TRDN: variants seen among roughly 807,000 people sequenced by gnomAD.
The protein encoded by TRDN is triadin in skeletal muscle.
In TRDN, 161 loss-of-function variants were observed where a neutral mutation model predicts 149.7. The ratio of observed to expected loss-of-function variants is 1.08; its 90% CI spans 0.95 to 1.23. TRDN has a LOEUF of 1.23. Among genes scored for constraint, TRDN ranks in the 50% most tolerant of loss-of-function variants. TRDN has a pLI of 0.00. For synonymous variants in TRDN, 294 were observed against 250.5 expected (o/e 1.17, Z -1.64); for missense variants, 896 against 823.5 (o/e 1.09, Z -1.08).
intron 14 of TRDN, among the ~76,000 whole-genome samples, chr6:123,383,752 A>G (rs1781806311): frequency 6.6e-6 from 1 of 152,164 alleles, no homozygotes; most frequent in East Asian, 1.9e-4. Context: ...AAAATATGCC[A>G]ACATACTAAT....
chr6:123,635,260 A>G lies in TRDN; in HGVS notation c.22+1494T>C, dbSNP rs140869725. 2.9e-3 allele frequency among the ~76,000 whole-genome samples: 437 copies of G among 152,026 alleles called. 1 individual carries two copies. The highest frequency in any genetic ancestry group is 0.01 in the African/African-American group (422 of 41,498). On this transcript the variant is annotated intron_variant, in intron 1 of 40. Coordinates refer to ENST00000334268, the MANE Select transcript of TRDN (RefSeq NM_006073.4). ...AATAGGAAAAATGCTATTTATATTT[A>G]GTTAGCAAATTCTGAACTAAAATTG... is the stretch of plus-strand genomic sequence containing the variant.
chr6:123,294,290 G>T (rs1396112833), intron 24 of TRDN, among the ~76,000 whole-genome samples: 1 of 152,140 alleles, frequency 6.6e-6, no homozygotes, highest in African/African-American at 2.4e-5. Context: ...ACTATCAAAA[G>T]TGCCTTCCCA....
At chr6:123,271,086 C>T (rs1232210069) in intron 30 of TRDN, 53 bp downstream of exon 30, 8 of 1,115,678 alleles carry the variant, frequency 7.2e-6, no homozygotes, top group Non-Finnish European at 8.9e-6. Context: ...CATATGAGTG[C>T]ACCACATAAC....
chr6:123,632,774 G>C (rs1030566708), intron 1 of TRDN, among the ~76,000 whole-genome samples: 1 of 151,804 alleles, frequency 6.6e-6, no homozygotes, highest in Non-Finnish European at 1.5e-5. Context: ...AGGTTGGATC[G>C]CCTCATAATT....
At position 123,513,896 on chromosome 6, in the gene TRDN, CA is replaced by C. The variant is rs546413507; in HGVS notation, c.551-1535del. Among the ~76,000 whole-genome samples, 208 of 151,974 alleles carry C rather than the reference CA, an allele frequency of 1.4e-3. 1 individual carries two copies. The highest frequency in any genetic ancestry group is 4.7e-3 in the African/African-American group (193 of 41,478). ...TACCTAACTGGAGTGTTTAACAAAA[CA>C]AAAAACTTCAGCAGACTATGCATAC... On this transcript the variant is annotated intron_variant, in intron 6 of 40. Coordinates refer to ENST00000334268, the MANE Select transcript of TRDN (RefSeq NM_006073.4).
intron 4 of TRDN, among the ~76,000 whole-genome samples, chr6:123,538,709 CT>C (rs1780675301): frequency 1.3e-5 from 2 of 152,122 alleles, no homozygotes; most frequent in African/African-American, 4.8e-5. Context: ...ATAAGCTGAA[CT>C]TTTTCCAGAA....
At chr6:123,594,360 TGCCTAATCCA>T (rs1783928433) in intron 1 of TRDN, among the ~76,000 whole-genome samples, 1 of 152,108 alleles carries the variant, frequency 6.6e-6, no homozygotes, top group South Asian at 2.1e-4. Context: ...TATTTGTGGA[TGCCTAATCCA>T]GACTAATCCA....
intron 11 of TRDN, 23 bp downstream of exon 11, chr6:123,438,921 T>C: frequency 6.5e-7 from 1 of 1,540,988 alleles, no homozygotes; most frequent in Non-Finnish European, 8.8e-7. Context: ...ATTTATGTGG[T>C]ACATGGCTTT....
At chr6:123,257,471 C>A (rs1423690719) in intron 35 of TRDN, among the ~76,000 whole-genome samples, 1 of 152,100 alleles carries the variant, frequency 6.6e-6, no homozygotes, top group Non-Finnish European at 1.5e-5. Context: ...GGTGTTATTT[C>A]TGAGGCCTCT....
chr6:123,529,835 T>A (rs964447422), intron 5 of TRDN, among the ~76,000 whole-genome samples: 3 of 152,034 alleles, frequency 2.0e-5, no homozygotes, highest in Non-Finnish European at 4.4e-5. Flanking sequence ...AGAATATATT[T>A]TTGAATGTCT....
At chr6:123,303,682 T>C (rs1396837162) in intron 24 of TRDN, among the ~76,000 whole-genome samples, 8 of 152,136 alleles carry the variant, frequency 5.3e-5, no homozygotes, top group Non-Finnish European at 8.8e-5. Context: ...TTTAAATGTC[T>C]GTGTGGGCTT....
intron 23 of TRDN, 57 bp downstream of exon 23, chr6:123,331,822 A>T: frequency 8.6e-7 from 1 of 1,158,050 alleles, no homozygotes. Flanking sequence ...TGTTGCAAAT[A>T]ACTGAATATG....
At chr6:123,614,642 A>G (rs1285482459) in intron 1 of TRDN, among the ~76,000 whole-genome samples, 1 of 151,818 alleles carries the variant, frequency 6.6e-6, no homozygotes, top group African/African-American at 2.4e-5. Flanking sequence ...ATTTATGCAA[A>G]AATTAACTCA....
At chr6:123,402,377 A>G (rs187446521) in intron 12 of TRDN, among the ~76,000 whole-genome samples, 176 of 152,360 alleles carry the variant, frequency 1.2e-3, no homozygotes, top group African/African-American at 3.9e-3. Context: ...AGTTTGGGCT[A>G]TAACAGCACA....
chr6:123,601,729 C>G (rs1036030229), intron 1 of TRDN, among the ~76,000 whole-genome samples: 1 of 152,140 alleles, frequency 6.6e-6, no homozygotes, highest in African/African-American at 2.4e-5. Context: ...AACTGGGGAA[C>G]TCTAAGCTGG....
chr6:123,632,805 T>C (rs1267663375), intron 1 of TRDN, among the ~76,000 whole-genome samples: 2 of 151,946 alleles, frequency 1.3e-5, no homozygotes, highest in Non-Finnish European at 2.9e-5. Flanking sequence ...TCATGCTAGA[T>C]GATATAACTT....
intron 10 of TRDN, chr6:123,445,275 T>TA (rs1180851477): frequency 3.3e-5 from 5 of 151,912 alleles, no homozygotes; most frequent in East Asian, 3.9e-4. Context: ...CCTAAAACCA[T>TA]AAAAACCCTA....
intron 1 of TRDN, among the ~76,000 whole-genome samples, chr6:123,612,095 A>G (rs1163148730): frequency 6.6e-6 from 1 of 151,750 alleles, no homozygotes; most frequent in Non-Finnish European, 1.5e-5. Flanking sequence ...TTCAAGTTCG[A>G]AAATAGAAGA....
At chr6:123,371,289 A>G (rs1043296445) in intron 19 of TRDN, among the ~76,000 whole-genome samples, 1 of 152,204 alleles carries the variant, frequency 6.6e-6, no homozygotes, top group Non-Finnish European at 1.5e-5. Flanking sequence ...TATATCAGCA[A>G]CATTTAAAAA....
Sources: allele counts gnomAD v4.1 joint callset (sites outside exome capture counted in the v4.1 genomes callset), GRCh38; gene constraint gnomAD v4.1.1; transcripts MANE v1.5; gene names NCBI Gene and HGNC (gene_info 2026-07-23, HGNC 2026-07-21).